MICAL2: variants seen among roughly 807,000 people sequenced by gnomAD.
MICAL2 encodes [F-actin]-monooxygenase MICAL2.
A neutral mutation model predicts 127.3 loss-of-function variants in MICAL2; 77 were observed. The ratio of observed to expected loss-of-function variants is 0.60; its 90% CI spans 0.50 to 0.73. The LOEUF (loss-of-function observed/expected upper bound fraction) is 0.73. Ranked by LOEUF, MICAL2 falls within the 30% of genes least tolerant of loss-of-function variation. MICAL2 has a pLI of 0.00. For missense variants in MICAL2, 1,351 were observed against 1,434.4 expected (o/e 0.94, Z 0.94); for synonymous variants, 570 against 551.1 (o/e 1.03, Z -0.48).
At chr11:12,354,420 C>A (rs1371931177) in intron 33 of MICAL2, among the ~76,000 whole-genome samples, 2 of 150,760 alleles carry the variant, frequency 1.3e-5, no homozygotes, top group African/African-American at 4.9e-5. Context: ...TGCAGTGAGC[C>A]AATACCGTGC....
At chr11:12,227,396 A>G (rs896504563) in intron 15 of MICAL2, among the ~76,000 whole-genome samples, 1 of 152,216 alleles carries the variant, frequency 6.6e-6, no homozygotes, top group African/African-American at 2.4e-5. Context: ...ATGCTTTTAC[A>G]AGTAAATCAG....
intron 33 of MICAL2, among the ~76,000 whole-genome samples, chr11:12,350,390 G>GT (rs1939025381): frequency 6.6e-6 from 1 of 152,196 alleles, no homozygotes; most frequent in East Asian, 1.9e-4. Context: ...TCTGAATGCA[G>GT]TTGCAGCCTC....
intron 12 of MICAL2, 105 bp downstream of exon 12, chr11:12,223,606 C>A: frequency 1.0e-6 from 1 of 994,590 alleles, no homozygotes; most frequent in Non-Finnish European, 1.6e-6. Flanking sequence ...CAGCCTGGCT[C>A]TGCCCCTTTA....
chr11:12,252,243 C>G (rs1861644193), intron 22 of MICAL2, among the ~76,000 whole-genome samples: 1 of 152,218 alleles, frequency 6.6e-6, no homozygotes, highest in Non-Finnish European at 1.5e-5. Context: ...TTCTTGGAAG[C>G]AGGGGCTAAA....
chr11:12,222,800 G>A (rs1856979492), intron 11 of MICAL2, 57 bp downstream of exon 11: 1 of 1,599,502 alleles, frequency 6.3e-7, no homozygotes, highest in South Asian at 1.1e-5. Context: ...GTGGGAAGAG[G>A]TGGTGGGGAG....
chr11:12,327,511 C>G (rs1025928769), intron 32 of MICAL2, among the ~76,000 whole-genome samples: 4 of 152,194 alleles, frequency 2.6e-5, no homozygotes, highest in African/African-American at 9.7e-5. Flanking sequence ...GGTCAGCCCG[C>G]GGGCCTTGTA....
intron 32 of MICAL2, among the ~76,000 whole-genome samples, chr11:12,338,831 G>T (rs567826455): frequency 8.1e-4 from 123 of 152,336 alleles, no homozygotes; most frequent in African/African-American, 2.5e-3. Flanking sequence ...TCAGCTGTTT[G>T]TCGGATAGGC....
rs545910570 is a variant in MICAL2 at position 12,226,845 on chromosome 11, G to A, written c.1889-180G>A. Among the ~76,000 whole-genome samples, 328 of 151,810 alleles carry A rather than the reference G, an allele frequency of 2.2e-3. 2 individuals carry two copies. Among genetic ancestry groups the A allele is most frequent in the African/African-American group, 7.6e-3 (314 of 41,370 alleles). Reference sequence around the variant, plus strand: ...TTTTTTTTGTATTTTTAGTAGAGACGCGGTTTCACTGTGTTAGCCAGGATG... The same window carrying A: ...TTTTTTTTGTATTTTTAGTAGAGACACGGTTTCACTGTGTTAGCCAGGATG... On this transcript the variant is annotated intron_variant, in intron 14 of 27. Transcript: ENST00000683283.
At chr11:12,150,556 A>T (rs570969934) in intron 2 of MICAL2, among the ~76,000 whole-genome samples, 2 of 152,330 alleles carry the variant, frequency 1.3e-5, no homozygotes, top group South Asian at 4.1e-4. Context: ...CCTGGGCTCC[A>T]GGTGTGGTAC....
At chr11:12,153,879 A>C (rs989184656) in intron 2 of MICAL2, among the ~76,000 whole-genome samples, 28 of 152,244 alleles carry the variant, frequency 1.8e-4, no homozygotes, top group Non-Finnish European at 4.0e-4. Context: ...TTCAGGTCAC[A>C]TGCAGAAGTG....
chr11:12,172,309 TA>T (rs1856364305), intron 3 of MICAL2, among the ~76,000 whole-genome samples: 1 of 152,222 alleles, frequency 6.6e-6, no homozygotes, highest in Non-Finnish European at 1.5e-5. Flanking sequence ...GCCTGACACA[TA>T]ACATGTATTT....
intron 1 of MICAL2, among the ~76,000 whole-genome samples, chr11:12,113,136 AG>A (rs2133410361): frequency 6.6e-6 from 1 of 152,322 alleles, no homozygotes; most frequent in Admixed American, 6.5e-5. Flanking sequence ...GTCAGAGAAG[AG>A]AATACTGTTC....
At chr11:12,198,569 G>A (rs1860245638) in intron 3 of MICAL2, among the ~76,000 whole-genome samples, 1 of 152,160 alleles carries the variant, frequency 6.6e-6, no homozygotes, top group South Asian at 2.1e-4. Flanking sequence ...CAGATAAGTG[G>A]CTGGTACTGA....
At chr11:12,311,995 GT>G (rs1248089816) in intron 29 of MICAL2, among the ~76,000 whole-genome samples, 1 of 151,260 alleles carries the variant, frequency 6.6e-6, no homozygotes. Flanking sequence ...TTCAACCTAT[GT>G]TTTTTAATTT....
chr11:12,135,052 G>T (rs1315854866), intron 1 of MICAL2, among the ~76,000 whole-genome samples: 2 of 152,136 alleles, frequency 1.3e-5, no homozygotes, highest in Non-Finnish European at 2.9e-5. Flanking sequence ...GGAGTTTTCA[G>T]ATTGGAATTT....
intron 13 of MICAL2, among the ~76,000 whole-genome samples, chr11:12,225,081 C>G (rs543002669): frequency 4.4e-4 from 63 of 142,968 alleles, no homozygotes; most frequent in Admixed American, 1.4e-3. Context: ...ACCCTTCCCC[C>G]CCGAGCCCCA....
At chr11:12,323,073 C>A (rs1287646374) in intron 30 of MICAL2, among the ~76,000 whole-genome samples, 2 of 152,154 alleles carry the variant, frequency 1.3e-5, no homozygotes, top group African/African-American at 4.8e-5. Flanking sequence ...CCATTAGTCT[C>A]TGCTATTTCT....
chr11:12,225,288 A>G (rs992300899), intron 13 of MICAL2, among the ~76,000 whole-genome samples: 1 of 152,214 alleles, frequency 6.6e-6, no homozygotes, highest in Admixed American at 6.5e-5. Flanking sequence ...TACAAATTAG[A>G]AATAGCAGCA....
intron 29 of MICAL2, among the ~76,000 whole-genome samples, chr11:12,302,672 C>G (rs760548210): frequency 1.3e-5 from 2 of 148,242 alleles, no homozygotes; most frequent in African/African-American, 4.9e-5. Flanking sequence ...ACAGAAGTAC[C>G]TTTTTTTTTT....
Sources: gnomAD v4.1 joint callset for allele counts (sites outside exome capture counted in the v4.1 genomes callset) on GRCh38, gnomAD v4.1.1 for gene constraint, MANE v1.5 for transcripts, NCBI Gene and HGNC (gene_info 2026-07-23, HGNC 2026-07-21) for gene names.